The following TMEM132B variants were observed in gnomAD, a reference collection of about 807,000 sequenced individuals.
TMEM132B encodes transmembrane protein 132B.
TMEM132B carries 18 observed loss-of-function variants against 90.8 expected under a neutral mutation model. That is an observed-to-expected ratio of 0.20 (90% CI 0.14 to 0.29). TMEM132B has a LOEUF of 0.29. TMEM132B is among the 10% of genes least tolerant of loss of function. The probability of loss-of-function intolerance (pLI) is 1.00; values close to 1 mark genes in which losing one functional copy is unlikely to be tolerated. For synonymous variants in TMEM132B, 504 were observed against 523.3 expected, an observed-to-expected ratio of 0.96 and a Z score of 0.50; for missense variants, 1,096 against 1,326.8, an observed-to-expected ratio of 0.83 and a Z score of 2.70.
chr12:125,204,369 G>C (rs1334637558), intron 1 of TMEM132B, among the ~76,000 whole-genome samples: 1 of 130,506 alleles, frequency 7.7e-6, no homozygotes, highest in African/African-American at 2.5e-5. Context: ...TTTGGTGAGG[G>C]CTCCATGTAC....
chr12:125,565,629 GGAA>G (rs1262263357), intron 4 of TMEM132B, among the ~76,000 whole-genome samples: 2 of 152,166 alleles, frequency 1.3e-5, no homozygotes, highest in South Asian at 2.1e-4. Flanking sequence ...GGATGGAGTG[GGAA>G]GAAGATCTTC....
chr12:125,491,579 G>T (rs1224567701), intron 3 of TMEM132B, among the ~76,000 whole-genome samples: 1 of 152,200 alleles, frequency 6.6e-6, no homozygotes, highest in East Asian at 1.9e-4. Context: ...AATTACTTCT[G>T]CAAGAGCTGA....
At chr12:125,249,725 A>G (rs1225323229) in intron 1 of TMEM132B, among the ~76,000 whole-genome samples, 2 of 152,242 alleles carry the variant, frequency 1.3e-5, no homozygotes, top group Non-Finnish European at 2.9e-5. Flanking sequence ...TCAAGCTATC[A>G]TCAAGCACTG....
intron 1 of TMEM132B, among the ~76,000 whole-genome samples, chr12:125,253,181 C>A (rs186616634): frequency 6.6e-6 from 1 of 152,250 alleles, no homozygotes; most frequent in African/African-American, 2.4e-5. Flanking sequence ...TAAACCCTCT[C>A]ATCTCTGCAT....
chr12:125,300,189 C>T (rs1449554050), intron 1 of TMEM132B, among the ~76,000 whole-genome samples: 1 of 152,150 alleles, frequency 6.6e-6, no homozygotes, highest in Non-Finnish European at 1.5e-5. Flanking sequence ...TCTTAGCCTG[C>T]CCTTTTGTTC....
intron 4 of TMEM132B, among the ~76,000 whole-genome samples, chr12:125,551,495 TAGAC>T (rs1592988378): frequency 6.6e-6 from 1 of 152,202 alleles, no homozygotes; most frequent in African/African-American, 2.4e-5. Flanking sequence ...CTGTGAAACA[TAGAC>T]AGTCATAAAG....
chr12:125,341,543 C>T (rs144378540), intron 1 of TMEM132B, among the ~76,000 whole-genome samples: 126 of 152,214 alleles, frequency 8.3e-4, no homozygotes, highest in African/African-American at 2.7e-3. Flanking sequence ...TTGCCTCTAA[C>T]GTTTTATGGA....
intron 3 of TMEM132B, among the ~76,000 whole-genome samples, chr12:125,429,585 T>C (rs1593141937): frequency 6.6e-6 from 1 of 152,158 alleles, no homozygotes; most frequent in African/African-American, 2.4e-5. Context: ...GCTGTGACAG[T>C]TTCTCAGCCT....
intron 3 of TMEM132B, among the ~76,000 whole-genome samples, chr12:125,467,768 C>T (rs1386571574): frequency 1.3e-5 from 2 of 152,194 alleles, no homozygotes; most frequent in Admixed American, 6.5e-5. Context: ...CCCCATTCTC[C>T]TTTCTCATAT....
intron 6 of TMEM132B, among the ~76,000 whole-genome samples, chr12:125,650,128 A>G (rs1886868861): frequency 3.3e-5 from 5 of 152,084 alleles, no homozygotes; most frequent in Admixed American, 2.6e-4. Flanking sequence ...AGAACCGTCC[A>G]CTGCTGATGG....
intron 1 of TMEM132B, among the ~76,000 whole-genome samples, chr12:125,338,654 C>T (rs1877061195): frequency 6.6e-6 from 1 of 152,070 alleles, no homozygotes; most frequent in Admixed American, 6.6e-5. Context: ...GCAGAGTAGC[C>T]CCTTGATCCT....
At chr12:125,520,834 C>T (rs1592971668) in intron 4 of TMEM132B, among the ~76,000 whole-genome samples, 1 of 152,318 alleles carries the variant, frequency 6.6e-6, no homozygotes, top group Non-Finnish European at 1.5e-5. Flanking sequence ...ATGGCTGGCA[C>T]AGTTAATGTT....
intron 3 of TMEM132B, among the ~76,000 whole-genome samples, chr12:125,434,227 C>T (rs918072343): frequency 1.3e-5 from 2 of 152,158 alleles, no homozygotes; most frequent in Non-Finnish European, 2.9e-5. Flanking sequence ...ATTCTCCGAC[C>T]CTGACGCTCC....
At chr12:125,643,844 A>C (rs765645653) in intron 5 of TMEM132B, among the ~76,000 whole-genome samples, 4 of 152,166 alleles carry the variant, frequency 2.6e-5, no homozygotes, top group Non-Finnish European at 5.9e-5. Context: ...AATTATGTTA[A>C]TGGTTTTACT....
At chr12:125,329,884 G>A (rs1876710876) in intron 1 of TMEM132B, among the ~76,000 whole-genome samples, 1 of 152,180 alleles carries the variant, frequency 6.6e-6, no homozygotes, top group Non-Finnish European at 1.5e-5. Context: ...AAAACTACCC[G>A]ATCTTCACTG....
At position 125,652,427 on chromosome 12, in the gene TMEM132B, C is replaced by T. The variant is rs768028465; in HGVS notation, c.1915-14C>T. ...AGGAGCAGAGATGCATGAGTCTCCT[C>T]GCTGACTTTTCAGGTCCTCTCGCCG... On this transcript the variant is annotated splice_polypyrimidine_tract_variant and intron_variant, in intron 7 of 8. Transcript: ENST00000682704. 60 of 1,574,484 alleles carry T rather than the reference C, an allele frequency of 3.8e-5. No homozygotes were observed. Among genetic ancestry groups the T allele is most frequent in the Non-Finnish European group, 4.9e-5 (57 of 1,159,134 alleles).
At chr12:125,601,735 AAG>A (rs1178507398) in intron 5 of TMEM132B, among the ~76,000 whole-genome samples, 9 of 152,298 alleles carry the variant, frequency 5.9e-5, no homozygotes, top group Non-Finnish European at 1.0e-4. Context: ...TAAAGAAGAA[AAG>A]AGAGAAGAAT....
rs143547141 is a variant in TMEM132B at position 125,563,147 on chromosome 12, G to GTAATAATAATAATAA, written c.1294-20676_1294-20662dup. 6.5e-5 allele frequency among the ~76,000 whole-genome samples: 9 copies of GTAATAATAATAATAA among 138,422 alleles called. No homozygotes were observed. In the South Asian group the frequency reaches 7.3e-4, roughly 11 times the overall value. The allele number at this position is 138,422 out of a possible 152,430, so 90.8% of individuals were successfully genotyped here. A position where few individuals can be genotyped will look rare whatever the true frequency, so the allele number is the denominator to read the frequency against. On this transcript the variant is annotated intron_variant, in intron 4 of 8. Transcript: ENST00000682704. Reference sequence around the variant, plus strand: ...CAGTGATCACAGGTCACCATAATGCGTAATAATAATAATAATAATAATAAT... The same window carrying GTAATAATAATAATAA: ...CAGTGATCACAGGTCACCATAATGCGTAATAATAATAATAATAATAATAATAATAATAATAATAAT...
intron 5 of TMEM132B, among the ~76,000 whole-genome samples, chr12:125,643,172 A>G (rs1886674096): frequency 6.6e-6 from 1 of 152,164 alleles, no homozygotes. Flanking sequence ...CTGGCTTGCA[A>G]AAGTGGGGCT....
Sources: allele counts gnomAD v4.1 joint callset (sites outside exome capture counted in the v4.1 genomes callset), GRCh38; gene constraint gnomAD v4.1.1; transcripts MANE v1.5; gene names NCBI Gene and HGNC (gene_info 2026-07-23, HGNC 2026-07-21).